The following LHX9 variants were observed in gnomAD, a reference collection of about 807,000 sequenced individuals.
The protein encoded by LHX9 is LIM/homeobox protein Lhx9.
In LHX9, 9 loss-of-function variants were observed where a neutral mutation model predicts 36.5. The observed-to-expected ratio is 0.25, with a 90% CI of 0.15 to 0.43. The LOEUF (loss-of-function observed/expected upper bound fraction) is 0.43. Ranked by LOEUF, LHX9 falls within the 20% of genes least tolerant of loss-of-function variation. The pLI is 1.00. For missense variants in LHX9, 464 were observed against 526.4 expected (o/e 0.88, Z 1.16); for synonymous variants, 211 against 212.1 (o/e 0.99, Z 0.04).
chr1:197,923,729 AG>A (rs1223998291), intron 3 of LHX9, among the ~76,000 whole-genome samples: 1 of 152,196 alleles, frequency 6.6e-6, no homozygotes, highest in Non-Finnish European at 1.5e-5. Flanking sequence ...AGTAGAATTT[AG>A]ATTCTTTTAC....
In LHX9 at chr1:197,918,805, G is replaced by GA. The variant is rs997784772; in HGVS notation, c.174+808_174+809insA. 2.2e-5 allele frequency: 2 copies of GA among 92,752 alleles called. 1 individual carries two copies. Among genetic ancestry groups the GA allele is most frequent in the Non-Finnish European group, 4.9e-5 (2 of 40,712 alleles). 5.7% of individuals were successfully genotyped at this position (92,752 alleles called of 1,614,324 possible). A position where few individuals can be genotyped will look rare whatever the true frequency, so the allele number is the denominator to read the frequency against. ...CTTTCCAGATTACTAACGGGGGGGG[G>GA]GGGGGACTACAGAAGTCTCCGGAAA... is the stretch of plus-strand genomic sequence containing the variant. On this transcript the variant is annotated intron_variant, in intron 1 of 4. Transcript: ENST00000367387.
rs759745263 is a variant in LHX9, at chr1:197,929,085, G to A, written c.1020G>A (p.Thr340=). The change falls in exon 5 of 5, where the codon ACG becomes ACA. Residue 340 remains threonine (T), a synonymous_variant. Coordinates refer to ENST00000367387, the MANE Select transcript of LHX9 (RefSeq NM_020204.3). ...ENGGVDKADG[T]SLPAPPSADS... is the part of the protein sequence containing the mutation. ...GGGGTGTTGATAAAGCTGACGGCAC[G>A]TCGCTTCCGGCCCCGCCCTCAGCAG... 1.1e-5 allele frequency: 17 copies of A among 1,613,362 alleles called. No individual in the cohort carries two copies. The highest frequency in any genetic ancestry group is 3.3e-5 in the South Asian group (3 of 91,026).
chr1:197,914,134 G>C (rs1179349870), upstream of LHX9, among the ~76,000 whole-genome samples: 1 of 152,206 alleles, frequency 6.6e-6, no homozygotes, highest in Non-Finnish European at 1.5e-5. Flanking sequence ...AACAGTAGCG[G>C]GATGGGTGCT....
upstream of LHX9, among the ~76,000 whole-genome samples, chr1:197,913,502 G>A (rs190510756): frequency 6.6e-6 from 1 of 152,304 alleles, no homozygotes; most frequent in Non-Finnish European, 1.5e-5. Context: ...GCCAACCTCA[G>A]TGTAGGGGGA....
chr1:197,917,422 C>G lies in LHX9; in HGVS notation c.-402C>G, dbSNP rs1023986892. On this transcript the variant is annotated 5_prime_UTR_variant, in exon 1 of 5. Transcript: ENST00000367387. ...TGGGAACTTGCAAGCAGCCAGGGAACGCTGAAAATAGCACGTCTTTTTCTT... is the reference window on the plus strand; with the variant it reads ...TGGGAACTTGCAAGCAGCCAGGGAAGGCTGAAAATAGCACGTCTTTTTCTT... 1 of 1,310,594 alleles carries G rather than the reference C, an allele frequency of 7.6e-7. No individual in the cohort carries two copies. The highest frequency in any genetic ancestry group is 5.4e-5 in the East Asian group (1 of 18,454). The allele number at this position is 1,310,594 out of a possible 1,614,324, so 81.2% of individuals were successfully genotyped here.
chr1:197,928,159 G>T (rs1221627309), intron 4 of LHX9, among the ~76,000 whole-genome samples: 1 of 152,178 alleles, frequency 6.6e-6, no homozygotes, highest in African/African-American at 2.4e-5. Context: ...GGACCTGTTG[G>T]CACTGCCTTA....
intron 1 of LHX9, among the ~76,000 whole-genome samples, chr1:197,919,677 C>T (rs1659904902): frequency 1.3e-5 from 2 of 152,230 alleles, no homozygotes; most frequent in Admixed American, 6.5e-5. Context: ...GATCACCAAA[C>T]TGTAGTCAAT....
chr1:197,925,122 C>T (rs141532336), intron 3 of LHX9, among the ~76,000 whole-genome samples: 2,589 of 45,744 alleles, frequency 0.057, 774 homozygotes, highest in Admixed American at 0.093. Context: ...AAAGACCCAA[C>T]GAGCTATCTC....
chr1:197,923,259 T>C, intron 3 of LHX9, among the ~76,000 whole-genome samples: 1 of 152,218 alleles, frequency 6.6e-6, no homozygotes, highest in Middle Eastern at 3.2e-3. Flanking sequence ...GGTCAATCTG[T>C]GTGAGGGCAG....
intron 3 of LHX9, among the ~76,000 whole-genome samples, chr1:197,926,944 T>A (rs1411762569): frequency 6.6e-6 from 1 of 152,194 alleles, no homozygotes; most frequent in Non-Finnish European, 1.5e-5. Context: ...CATAAGAAAT[T>A]CACAAATTTT....
intron 1 of LHX9, 106 bp downstream of exon 1, chr1:197,918,103 C>T (rs893359092): frequency 1.6e-6 from 2 of 1,278,182 alleles, no homozygotes; most frequent in Admixed American, 2.4e-5. Context: ...GTCGTAGAGA[C>T]GTCCGCTTGA....
chr1:197,917,730 C>G lies in LHX9; in HGVS notation c.-94C>G. Reference sequence around the variant, plus strand: ...TCCTCCTTTCTCTCCCTCTTTCCCTCCATCCTCGAGCGTCTCTGCGCTCCT... The same window carrying G: ...TCCTCCTTTCTCTCCCTCTTTCCCTGCATCCTCGAGCGTCTCTGCGCTCCT... On this transcript the variant is annotated 5_prime_UTR_variant, in exon 1 of 5. Coordinates refer to ENST00000367387, the MANE Select transcript of LHX9 (RefSeq NM_020204.3). The G allele has an allele frequency of 6.3e-7, 1 of 1,596,672 alleles. No individual in the cohort carries two copies. The highest frequency in any genetic ancestry group is 8.5e-7 in the Non-Finnish European group (1 of 1,174,400).
chr1:197,915,446 G>A (rs773555304), upstream of LHX9, among the ~76,000 whole-genome samples: 6 of 152,188 alleles, frequency 3.9e-5, no homozygotes, highest in Non-Finnish European at 8.8e-5. Context: ...TTGTGTGCAC[G>A]TGGGTTTGAA....
rs1660334124 is a variant in LHX9 at position 197,931,808 on chromosome 1, T to C, written c.*2549T>C. On this transcript the variant is annotated 3_prime_UTR_variant, in exon 5 of 5. Transcript: ENST00000367387. ...AACCTTAAATATGATTAAGATTTCATGTTAGGTCTATTGAGCACAAATGGA... is the reference window on the plus strand; with the variant it reads ...AACCTTAAATATGATTAAGATTTCACGTTAGGTCTATTGAGCACAAATGGA... The C allele has an allele frequency of 4.5e-6, 3 of 664,528 alleles. No homozygotes were observed. Among genetic ancestry groups the C allele is most frequent in the South Asian group, 2.2e-5 (1 of 45,506 alleles). The allele number at this position is 664,528 out of a possible 1,614,324, so 41.2% of individuals were successfully genotyped here. A position where few individuals can be genotyped will look rare whatever the true frequency, so the allele number is the denominator to read the frequency against.
chr1:197,912,670 A>G, upstream of LHX9: 1 of 1,117,826 alleles, frequency 8.9e-7, no homozygotes, highest in African/African-American at 1.5e-5. Flanking sequence ...AACGAAGAGG[A>G]GTGTGTGTTT....
upstream of LHX9, chr1:197,913,240 GTTT>G (rs10566483): frequency 1.1e-4 from 16 of 152,274 alleles, no homozygotes; most frequent in Admixed American, 7.9e-4. Flanking sequence ...CTGGCGAGAG[GTTT>G]TTTTTTTGTC....
In LHX9 at chr1:197,917,572, C is replaced by T. The variant is rs79137350; in HGVS notation, c.-252C>T. Reference sequence around the variant, plus strand: ...GATTCGCCTTCTACGCCTCTTTTTCCCTCCGCCCGAATTGTTTGTTTTCTG... The same window carrying T: ...GATTCGCCTTCTACGCCTCTTTTTCTCTCCGCCCGAATTGTTTGTTTTCTG... On this transcript the variant is annotated 5_prime_UTR_variant, in exon 1 of 5. Coordinates refer to ENST00000367387, the MANE Select transcript of LHX9 (RefSeq NM_020204.3). 2.5e-4 allele frequency: 370 copies of T among 1,490,840 alleles called. No homozygotes were observed. In the African/African-American group the frequency reaches 4.6e-3, roughly 18 times the overall value. 92.4% of individuals were successfully genotyped at this position (1,490,840 alleles called of 1,614,324 possible). A position where few individuals can be genotyped will look rare whatever the true frequency, so the allele number is the denominator to read the frequency against.
rs59725594 is a variant in LHX9, at chr1:197,933,741, C to CAA, written c.*4498_*4499dup. ...TTGAAACAGGCACATTTTTTAAAACCAAAAAAAAAAAAAAAAAGAGAGAGA... is the reference window on the plus strand; with the variant it reads ...TTGAAACAGGCACATTTTTTAAAACCAAAAAAAAAAAAAAAAAAAGAGAGAGA... On this transcript the variant is annotated 3_prime_UTR_variant, in exon 5 of 5. Coordinates refer to ENST00000367387, the MANE Select transcript of LHX9 (RefSeq NM_020204.3). 0.013 allele frequency: 1,534 copies of CAA among 122,572 alleles called. 40 individuals are homozygous for CAA. The highest frequency in any genetic ancestry group is 0.044 in the African/African-American group (1,454 of 32,928). The allele number at this position is 122,572 out of a possible 1,614,324, so 7.6% of individuals were successfully genotyped here. A position where few individuals can be genotyped will look rare whatever the true frequency, so the allele number is the denominator to read the frequency against.
In LHX9 at chr1:197,917,439, C is replaced by A; in HGVS notation, c.-385C>A. Reference sequence around the variant, plus strand: ...CCAGGGAACGCTGAAAATAGCACGTCTTTTTCTTTCTTTGTGTTCAAAACT... The same window carrying A: ...CCAGGGAACGCTGAAAATAGCACGTATTTTTCTTTCTTTGTGTTCAAAACT... On this transcript the variant is annotated 5_prime_UTR_variant, in exon 1 of 5. Transcript: ENST00000367387. 7.6e-7 allele frequency: 1 copy of A among 1,316,470 alleles called. No homozygotes were observed. Among genetic ancestry groups the A allele is most frequent in the East Asian group, 5.3e-5 (1 of 18,838 alleles). The allele number at this position is 1,316,470 out of a possible 1,614,324, so 81.5% of individuals were successfully genotyped here.
Sources: allele counts gnomAD v4.1 joint callset (sites outside exome capture counted in the v4.1 genomes callset), GRCh38; gene constraint gnomAD v4.1.1; transcripts MANE v1.5; gene names NCBI Gene and HGNC (gene_info 2026-07-23, HGNC 2026-07-21).